CIAPIN1: variants seen among roughly 807,000 people sequenced by gnomAD.
CIAPIN1 encodes the protein anamorsin.
A neutral mutation model predicts 34.3 loss-of-function variants in CIAPIN1; 18 were observed. That is an observed-to-expected ratio of 0.52 (90% CI 0.36 to 0.78). The LOEUF is 0.78. Ranked by LOEUF, CIAPIN1 falls within the 30% of genes least tolerant of loss-of-function variation. CIAPIN1 has a pLI of 0.00. For missense variants in CIAPIN1, 310 were observed against 372.5 expected, an observed-to-expected ratio of 0.83 and a Z score of 1.38; for synonymous variants, 131 against 140.4, an observed-to-expected ratio of 0.93 and a Z score of 0.47.
chr16:57,429,657 A>C (rs373080030), intron 8 of CIAPIN1, among the ~76,000 whole-genome samples: 3 of 151,438 alleles, frequency 2.0e-5, no homozygotes, highest in African/African-American at 7.3e-5. Flanking sequence ...ATGCCCGGCA[A>C]ATTTTTTTGT....
intron 4 of CIAPIN1, among the ~76,000 whole-genome samples, chr16:57,435,605 C>T (rs1433528507): frequency 6.6e-6 from 1 of 152,132 alleles, no homozygotes; most frequent in Non-Finnish European, 1.5e-5. Flanking sequence ...ACGGCCTGGC[C>T]AACATAGCGA....
At chr16:57,441,687 T>C (rs1315498864) in intron 1 of CIAPIN1, among the ~76,000 whole-genome samples, 9 of 152,216 alleles carry the variant, frequency 5.9e-5, no homozygotes, top group African/African-American at 2.2e-4. Context: ...AGAGCTGGGA[T>C]TTGAACCCAA....
intron 1 of CIAPIN1, among the ~76,000 whole-genome samples, chr16:57,442,293 C>A (rs1025998755): frequency 6.6e-6 from 1 of 152,080 alleles, no homozygotes; most frequent in Non-Finnish European, 1.5e-5. Flanking sequence ...TTGCAGTGAG[C>A]CAAGATCGTG....
intron 3 of CIAPIN1, among the ~76,000 whole-genome samples, chr16:57,437,042 G>A (rs377655829): frequency 4.6e-5 from 7 of 152,152 alleles, no homozygotes; most frequent in South Asian, 2.1e-4. Flanking sequence ...CACGAGAATC[G>A]CTTGAACCTG....
At chr16:57,431,042 G>T (rs1331247509) in intron 7 of CIAPIN1, 109 bp downstream of exon 7, 14 of 617,074 alleles carry the variant, frequency 2.3e-5, no homozygotes, top group African/African-American at 5.5e-5. Flanking sequence ...GTCTCCCTGT[G>T]TTGCCCAGCC....
chr16:57,443,588 G>A (rs1395080200), intron 1 of CIAPIN1, among the ~76,000 whole-genome samples: 1 of 152,158 alleles, frequency 6.6e-6, no homozygotes, highest in African/African-American at 2.4e-5. Context: ...CTCCCAAGTA[G>A]CTGGAATTAC....
intron 3 of CIAPIN1, 26 bp downstream of exon 3, chr16:57,439,156 T>C: frequency 6.2e-7 from 1 of 1,612,096 alleles, no homozygotes. Context: ...CTGTCAAACA[T>C]GTTTTCCAAG....
Position 57,436,647 on chromosome 16 carries a change from C to T in CIAPIN1, c.387+9G>A. 6.2e-7 allele frequency: 1 copy of T among 1,610,326 alleles called. No individual in the cohort carries two copies. Among genetic ancestry groups the T allele is most frequent in the Non-Finnish European group, 8.5e-7 (1 of 1,176,790 alleles). On this transcript the variant is annotated intron_variant, in intron 4 of 8. Coordinates refer to ENST00000394391, the MANE Select transcript of CIAPIN1 (RefSeq NM_020313.4). Reference sequence around the variant, plus strand: ...GCAGGGCAGCAAAGAAAGTTGTCTACAAACGTACCTCTTTCACTTCCACAA... The same window carrying T: ...GCAGGGCAGCAAAGAAAGTTGTCTATAAACGTACCTCTTTCACTTCCACAA...
Position 57,430,167 on chromosome 16 carries a change from A to G in CIAPIN1, c.828+91T>C, listed in dbSNP as rs867798280. On this transcript the variant is annotated intron_variant, in intron 8 of 8. Transcript: ENST00000394391. ...TCACGCATTCGTCTGTTACTAAAAT[A>G]TTTGAGGTGGAGCTTGTCTGTGTTT... 8 of 1,090,540 alleles carry G rather than the reference A, an allele frequency of 7.3e-6. No individual in the cohort carries two copies. The Middle Eastern group carries it at 1.1e-3, about 156-fold the overall frequency. The allele number at this position is 1,090,540 out of a possible 1,614,324, so 67.6% of individuals were successfully genotyped here.
chr16:57,437,881 C>T (rs1430645959), intron 3 of CIAPIN1, among the ~76,000 whole-genome samples: 1 of 151,930 alleles, frequency 6.6e-6, no homozygotes, highest in Non-Finnish European at 1.5e-5. Flanking sequence ...GTGTTTTTAC[C>T]TAAGCTCTTA....
At chr16:57,433,664 A>G in intron 5 of CIAPIN1, 1 of 216,902 alleles carries the variant, frequency 4.6e-6, no homozygotes. Context: ...TGGGGAAAAA[A>G]GCACATGAGA....
At chr16:57,443,126 T>G (rs552488156) in intron 1 of CIAPIN1, among the ~76,000 whole-genome samples, 1 of 146,942 alleles carries the variant, frequency 6.8e-6, no homozygotes, top group East Asian at 2.0e-4. Context: ...ACAATAATTC[T>G]GGTTTTGTTT....
chr16:57,428,278 C>T lies in CIAPIN1; in HGVS notation c.*892G>A, dbSNP rs555737739. ...CTCCAAATATTTGGCAAGATTGATT[C>T]CAAGTCCATATGGGTGGATAACAAG... On this transcript the variant is annotated 3_prime_UTR_variant, in exon 9 of 9. Transcript: ENST00000394391. 2 of 152,286 alleles carry T rather than the reference C, an allele frequency of 1.3e-5. No individual in the cohort carries two copies. Among genetic ancestry groups the T allele is most frequent in the East Asian group, 3.9e-4 (2 of 5,182 alleles). The allele number at this position is 152,286 out of a possible 1,614,324, so 9.4% of individuals were successfully genotyped here.
intron 1 of CIAPIN1, among the ~76,000 whole-genome samples, chr16:57,443,258 G>A (rs2029921306): frequency 6.6e-6 from 1 of 150,994 alleles, no homozygotes; most frequent in African/African-American, 2.4e-5. Context: ...TCACGCCTCA[G>A]TTTCCTGAGT....
chr16:57,433,560 CGCGTGTGCTT>C (rs1405451577), intron 5 of CIAPIN1: 2 of 199,400 alleles, frequency 1.0e-5, no homozygotes, highest in African/African-American at 4.8e-5. Context: ...CGTGCGTGCA[CGCGTGTGCTT>C]GTACACAATT....
chr16:57,431,218 G>T lies in CIAPIN1; in HGVS notation c.679C>A (p.Pro227Thr), dbSNP rs779579156. 6.2e-7 allele frequency: 1 copy of T among 1,613,854 alleles called. No individual in the cohort carries two copies. The highest frequency in any genetic ancestry group is 8.5e-7 in the Non-Finnish European group (1 of 1,179,884). The change falls in exon 7 of 9, where the codon CCA (proline) becomes ACA (threonine). Residue 227 changes from proline to threonine, a missense_variant. Physicochemically the swap from Pro to Thr is conservative, Grantham distance 38. Transcript: ENST00000394391. Reference protein sequence around the residue: ...ELLDPEDLKKPDPASLRAASC... With the variant: ...ELLDPEDLKKTDPASLRAASC... ...GCAGCCCGCAGGGAAGCTGGATCTGGCTTCTTCAAATCTTCTGGATCCAGC... is the reference window on the plus strand; with the variant it reads ...GCAGCCCGCAGGGAAGCTGGATCTGTCTTCTTCAAATCTTCTGGATCCAGC...
chr16:57,430,139 T>C, intron 8 of CIAPIN1, 119 bp downstream of exon 8: 1 of 835,910 alleles, frequency 1.2e-6, no homozygotes. Context: ...TACGTTCGTG[T>C]GCTCACGCAT....
chr16:57,431,846 T>C (rs1567570066), intron 6 of CIAPIN1, among the ~76,000 whole-genome samples: 1 of 151,992 alleles, frequency 6.6e-6, no homozygotes, highest in Non-Finnish European at 1.5e-5. Flanking sequence ...AGATAGAAAA[T>C]AGTGCTTTTT....
chr16:57,445,376 G>A (rs1392084308), intron 1 of CIAPIN1, among the ~76,000 whole-genome samples: 5 of 152,016 alleles, frequency 3.3e-5, no homozygotes, highest in Admixed American at 3.3e-4. Flanking sequence ...GCATGGTGGC[G>A]TGCACCTGTA....
Sources: allele counts gnomAD v4.1 joint callset (sites outside exome capture counted in the v4.1 genomes callset), GRCh38; gene constraint gnomAD v4.1.1; transcripts MANE v1.5; gene names NCBI Gene and HGNC (gene_info 2026-07-23, HGNC 2026-07-21).